The following IRAK2 variants were observed in gnomAD, a reference collection of about 807,000 sequenced individuals.
IRAK2 encodes the protein interleukin 1 receptor associated kinase 2.
Under a neutral mutation model 72.0 loss-of-function variants are expected in IRAK2, and 57 were observed. That is an observed-to-expected ratio of 0.79 (90% CI 0.64 to 0.99). IRAK2 has a LOEUF of 0.99. Ranked by LOEUF, IRAK2 falls within the 50% of genes least tolerant of loss-of-function variation. IRAK2 has a pLI of 0.00. For missense variants in IRAK2, 790 were observed against 794.4 expected, an observed-to-expected ratio of 0.99 and a Z score of 0.07; for synonymous variants, 293 against 312.7, an observed-to-expected ratio of 0.94 and a Z score of 0.67.
In IRAK2 at chr3:10,214,391, C is replaced by CTTTTTTTTTT. The variant is rs534445139; in HGVS notation, c.788+854_788+863dup. Among the ~76,000 whole-genome samples, 29 of 95,416 alleles carry CTTTTTTTTTT rather than the reference C, an allele frequency of 3.0e-4. 1 individual carries two copies. The highest frequency in any genetic ancestry group is 5.0e-4 in the Non-Finnish European group (25 of 50,274). 62.6% of individuals were successfully genotyped at this position (95,416 alleles called of 152,430 possible). Reference sequence around the variant, plus strand: ...AGGTGTGCGCCCAGCTCATTTTTTGCTTTTTTTTTTTTTTTTTTTTGTAGA... The same window carrying CTTTTTTTTTT: ...AGGTGTGCGCCCAGCTCATTTTTTGCTTTTTTTTTTTTTTTTTTTTTTTTTTTTTTGTAGA... On this transcript the variant is annotated intron_variant, in intron 6 of 12. Coordinates refer to ENST00000256458, the MANE Select transcript of IRAK2 (RefSeq NM_001570.4).
intron 1 of IRAK2, among the ~76,000 whole-genome samples, chr3:10,177,406 T>G (rs565907970): frequency 6.6e-6 from 1 of 152,286 alleles, no homozygotes; most frequent in South Asian, 2.1e-4. Flanking sequence ...ACCCTCATCC[T>G]GGCCCCACCT....
intron 2 of IRAK2, among the ~76,000 whole-genome samples, chr3:10,195,742 C>T (rs9868224): frequency 1.7e-3 from 264 of 152,208 alleles, no homozygotes; most frequent in African/African-American, 5.9e-3. Flanking sequence ...TATACTGTTG[C>T]GGGCCTGGCC....
intron 1 of IRAK2, among the ~76,000 whole-genome samples, chr3:10,167,018 T>C (rs1173799813): frequency 6.6e-6 from 1 of 152,192 alleles, no homozygotes; most frequent in African/African-American, 2.4e-5. Context: ...TTTTTCCACA[T>C]TGGCCCAGCC....
At chr3:10,207,992 CA>C (rs35298616) in intron 3 of IRAK2, among the ~76,000 whole-genome samples, 9,155 of 94,926 alleles carry the variant, frequency 0.096, 307 homozygotes, top group African/African-American at 0.15. Flanking sequence ...ACTCTGTTTC[CA>C]AAAAAAAAAA....
rs777977102 is a variant in IRAK2, at chr3:10,222,753, G to A, written c.1131G>A (p.Thr377=). The change falls in exon 9 of 13, where the codon ACG becomes ACA. Residue 377 remains threonine (T), a synonymous_variant. Coordinates refer to ENST00000256458, the MANE Select transcript of IRAK2 (RefSeq NM_001570.4). ...YTMMKTHLLR[T]SAAYLPEDFI... is the part of the protein sequence containing the mutation. Reference sequence around the variant, plus strand: ...TGATGAAGACTCACCTGCTCCGGACGTCAGCCGCGTATCTGCCAGAGGATT... The same window carrying A: ...TGATGAAGACTCACCTGCTCCGGACATCAGCCGCGTATCTGCCAGAGGATT... 5.5e-5 allele frequency: 88 copies of A among 1,614,178 alleles called. 2 individuals are homozygous for A. In the South Asian group the frequency reaches 7.5e-4, roughly 14 times the overall value.
At chr3:10,200,099 G>A (rs939916904) in intron 2 of IRAK2, among the ~76,000 whole-genome samples, 1 of 152,022 alleles carries the variant, frequency 6.6e-6, no homozygotes, top group Admixed American at 6.6e-5. Context: ...TGTTGGCCAG[G>A]CTGGTCTCGA....
chr3:10,213,530 A>C lies in IRAK2; in HGVS notation c.770A>C (p.Glu257Ala). 6.2e-7 allele frequency: 1 copy of C among 1,614,058 alleles called. No homozygotes were observed. Among genetic ancestry groups the C allele is most frequent in the Non-Finnish European group, 8.5e-7 (1 of 1,179,942 alleles). Residue 257 changes from glutamate to alanine, a missense_variant, in exon 6 of 13, where the codon GAG becomes GCG. Transcript: ENST00000256458. ...PGSIERFFQA[E>A]LQICLRCCHP... ...TCAATCGAAAGATTCTTCCAGGCAG[A>C]GTTGCAGATTTGTCTTAGGTAAGCC...
intron 11 of IRAK2, 63 bp from the exon 12 acceptor site, chr3:10,238,685 A>G: frequency 6.6e-7 from 1 of 1,509,446 alleles, no homozygotes; most frequent in East Asian, 2.3e-5. Flanking sequence ...GGGAGGCCAG[A>G]TGTTAGCATT....
intron 6 of IRAK2, among the ~76,000 whole-genome samples, chr3:10,215,291 G>A (rs1184876490): frequency 2.6e-5 from 4 of 151,288 alleles, no homozygotes; most frequent in African/African-American, 9.7e-5. Flanking sequence ...CTACTCAGGA[G>A]GCTGAGGCAT....
chr3:10,224,291 C>A (rs145295208), intron 9 of IRAK2, among the ~76,000 whole-genome samples: 1 of 150,100 alleles, frequency 6.7e-6, no homozygotes, highest in African/African-American at 2.5e-5. Flanking sequence ...AAGCCGAGAT[C>A]GCGCCATTGC....
At position 10,242,712 on chromosome 3, in the gene IRAK2, T is replaced by C. The variant is rs1278143800; in HGVS notation, c.*484T>C. ...AAAGATTTTTTTTAGTTTTTAATTTTTTTGTAGAGATGGGGTCTCGCTTTG... is the reference window on the plus strand; with the variant it reads ...AAAGATTTTTTTTAGTTTTTAATTTCTTTGTAGAGATGGGGTCTCGCTTTG... On this transcript the variant is annotated 3_prime_UTR_variant, in exon 13 of 13. Transcript: ENST00000256458. The C allele has an allele frequency of 1.3e-5, 2 of 152,376 alleles. No individual in the cohort carries two copies. Among genetic ancestry groups the C allele is most frequent in the African/African-American group, 4.8e-5 (2 of 41,586 alleles). 9.4% of individuals were successfully genotyped at this position (152,376 alleles called of 1,614,324 possible).
At chr3:10,239,313 G>A (rs545857097) in intron 12 of IRAK2, among the ~76,000 whole-genome samples, 7 of 152,136 alleles carry the variant, frequency 4.6e-5, no homozygotes, top group Non-Finnish European at 1.0e-4. Context: ...CTTTGTCTGA[G>A]CTCCTGTCCT....
intron 8 of IRAK2, among the ~76,000 whole-genome samples, chr3:10,221,702 GT>G (rs1287672646): frequency 6.6e-6 from 1 of 151,828 alleles, no homozygotes; most frequent in Non-Finnish European, 1.5e-5. Flanking sequence ...GAATTTGTTT[GT>G]TTTAGTAGAG....
chr3:10,198,041 T>C (rs964694415), intron 2 of IRAK2, among the ~76,000 whole-genome samples: 7 of 149,734 alleles, frequency 4.7e-5, no homozygotes, highest in Non-Finnish European at 7.4e-5. Flanking sequence ...CTACTAAAAA[T>C]AGAAAAAATT....
At chr3:10,205,706 T>C (rs11465883) in intron 3 of IRAK2, among the ~76,000 whole-genome samples, 8,771 of 152,288 alleles carry the variant, frequency 0.058, 597 homozygotes, top group African/African-American at 0.17. Context: ...AGCACAAATA[T>C]AGATCATGTG....
intron 10 of IRAK2, among the ~76,000 whole-genome samples, chr3:10,229,741 C>T (rs1697830921): frequency 6.6e-6 from 1 of 152,094 alleles, no homozygotes; most frequent in African/African-American, 2.4e-5. Context: ...AGTTGCTGGA[C>T]ATTTGGGTTA....
At chr3:10,226,637 G>A (rs1697781081) in intron 10 of IRAK2, among the ~76,000 whole-genome samples, 1 of 152,004 alleles carries the variant, frequency 6.6e-6, no homozygotes, top group Non-Finnish European at 1.5e-5. Flanking sequence ...TAGCATCTGG[G>A]GCTTGGTGCG....
At chr3:10,237,929 C>CTGTGTG (rs138639711) in intron 11 of IRAK2, among the ~76,000 whole-genome samples, 23,339 of 138,116 alleles carry the variant, frequency 0.17, 2,189 homozygotes, top group Admixed American at 0.25. Context: ...TATGTGTGCT[C>CTGTGTG]TGTGTGTGTG....
intron 2 of IRAK2, among the ~76,000 whole-genome samples, chr3:10,185,581 AAC>A: frequency 1.5e-5 from 2 of 135,874 alleles, no homozygotes; most frequent in African/African-American, 2.8e-5. Flanking sequence ...AAAAAAAAAG[AAC>A]CACTGCTCTG....
Sources: gnomAD v4.1 joint callset for allele counts (sites outside exome capture counted in the v4.1 genomes callset) on GRCh38, gnomAD v4.1.1 for gene constraint, MANE v1.5 for transcripts, NCBI Gene and HGNC (gene_info 2026-07-23, HGNC 2026-07-21) for gene names.